The following SGCD variants were observed in gnomAD, a reference collection of about 807,000 sequenced individuals.
The protein encoded by SGCD is delta-sarcoglycan.
A neutral mutation model predicts 36.6 loss-of-function variants in SGCD; 18 were observed. The observed-to-expected ratio is 0.49, with a 90% CI of 0.34 to 0.73. SGCD has a LOEUF of 0.73. Ranked by LOEUF, SGCD falls within the 30% of genes least tolerant of loss-of-function variation. SGCD has a pLI of 0.01. For missense variants in SGCD, 387 were observed against 346.7 expected, an observed-to-expected ratio of 1.12 and a Z score of -0.92; for synonymous variants, 133 against 130.6, an observed-to-expected ratio of 1.02 and a Z score of -0.12.
At chr5:155,874,285 A>G (rs1168749244) in intron 1 of SGCD, among the ~76,000 whole-genome samples, 2 of 152,186 alleles carry the variant, frequency 1.3e-5, no homozygotes, top group Non-Finnish European at 2.9e-5. Context: ...ACAGACATGT[A>G]TTAAAAATAA....
rs202051213 is a variant in SGCD at position 156,083,798 on chromosome 5, TTTTGTTTG to T, written c.-281-34064_-281-34057del. Among the ~76,000 whole-genome samples the T allele has an allele frequency of 4.6e-3, 702 of 152,124 alleles. 9 individuals are homozygous for T. Among genetic ancestry groups the T allele is most frequent in the African/African-American group, 0.016 (680 of 41,490 alleles). ...GTTTTTTTTTTGTTTTGTTTTTGTTTTTTGTTTGTTTGTTTGTTTGTTTTCTTTTTTTG... is the reference window on the plus strand; with the variant it reads ...GTTTTTTTTTTGTTTTGTTTTTGTTTTTTGTTTGTTTGTTTTCTTTTTTTG... On this transcript the variant is annotated intron_variant, in intron 1 of 9. Coordinates refer to the SGCD transcript ENST00000517913.
chr5:156,439,488 C>G (rs183908763), intron 3 of SGCD, among the ~76,000 whole-genome samples: 11 of 152,178 alleles, frequency 7.2e-5, no homozygotes, highest in Admixed American at 2.6e-4. Context: ...TATTGCCCCC[C>G]TCAGGAGCCT....
At chr5:156,513,841 T>C (rs1757042938) in intron 4 of SGCD, among the ~76,000 whole-genome samples, 1 of 152,216 alleles carries the variant, frequency 6.6e-6, no homozygotes, top group South Asian at 2.1e-4. Context: ...ACATTCTAGC[T>C]TTCAGCCACA....
At chr5:156,622,478 A>AATT (rs1554123327) in intron 6 of SGCD, among the ~76,000 whole-genome samples, 14 of 141,284 alleles carry the variant, frequency 9.9e-5, no homozygotes, top group African/African-American at 2.6e-4. Flanking sequence ...TAATAATAAT[A>AATT]ATTTAGGGAA....
intron 3 of SGCD, among the ~76,000 whole-genome samples, chr5:156,371,496 A>G (rs1011389116): frequency 1.3e-5 from 2 of 152,198 alleles, no homozygotes; most frequent in Admixed American, 6.5e-5. Context: ...GACCATGTCT[A>G]AGTATGATAG....
Position 156,018,823 on chromosome 5 carries a change from G to A in SGCD, c.-281-99055G>A, listed in dbSNP as rs797005856. On this transcript the variant is annotated intron_variant, in intron 1 of 9. Coordinates refer to the SGCD transcript ENST00000517913. ...ACAGGCACTTTTTTTCTTCACCAAA[G>A]CATTGAGGGCAATTTCTCAAATAGT... 2.4e-4 allele frequency among the ~76,000 whole-genome samples: 36 copies of A among 152,196 alleles called. 1 individual carries two copies. The highest frequency in any genetic ancestry group is 1.9e-4 in the African/African-American group (8 of 41,538).
chr5:156,731,140 C>T (rs1415268702), intron 7 of SGCD, among the ~76,000 whole-genome samples: 2 of 151,906 alleles, frequency 1.3e-5, no homozygotes, highest in African/African-American at 2.4e-5. Flanking sequence ...CTAGAAGGAA[C>T]TTAAACAAAT....
At chr5:155,810,057 T>C in the SGCD span, among the ~76,000 whole-genome samples, 1 of 152,202 alleles carries the variant, frequency 6.6e-6, no homozygotes, top group South Asian at 2.1e-4. Flanking sequence ...TAACAATAAT[T>C]GATGTAGGGT....
At chr5:156,626,547 G>A (rs546685811) in intron 6 of SGCD, among the ~76,000 whole-genome samples, 1 of 152,324 alleles carries the variant, frequency 6.6e-6, no homozygotes, top group East Asian at 1.9e-4. Context: ...TCAGAGCAGT[G>A]TGAGCACAAT....
At chr5:156,330,225 T>A (rs930091460) in intron 2 of SGCD, among the ~76,000 whole-genome samples, 1 of 152,092 alleles carries the variant, frequency 6.6e-6, no homozygotes, top group Non-Finnish European at 1.5e-5. Context: ...ATGGTAAGTA[T>A]AATGCAAATA....
At chr5:156,195,621 G>A (rs79314732) in intron 3 of SGCD, among the ~76,000 whole-genome samples, 2,381 of 151,984 alleles carry the variant, frequency 0.016, 22 homozygotes, top group Non-Finnish European at 0.025. Context: ...TTTTCTATGC[G>A]TATGGATACA....
chr5:156,230,604 C>T (rs73811548), intron 3 of SGCD, among the ~76,000 whole-genome samples: 6,022 of 152,092 alleles, frequency 0.04, 212 homozygotes, highest in African/African-American at 0.09. Flanking sequence ...AGGAGCAGTC[C>T]GCTTCCTTCA....
the SGCD span, among the ~76,000 whole-genome samples, chr5:155,732,599 C>T: frequency 1.3e-5 from 2 of 152,204 alleles, no homozygotes; most frequent in African/African-American, 4.8e-5. Flanking sequence ...TCAGTCCAGC[C>T]TTCTTCTCAC....
At chr5:156,015,274 A>G (rs950530145) in intron 1 of SGCD, among the ~76,000 whole-genome samples, 1 of 152,088 alleles carries the variant, frequency 6.6e-6, no homozygotes, top group Non-Finnish European at 1.5e-5. Flanking sequence ...TTTTTATTCA[A>G]TAGGTTAAAA....
At chr5:155,850,925 A>G in the SGCD span, among the ~76,000 whole-genome samples, 1 of 152,166 alleles carries the variant, frequency 6.6e-6, no homozygotes, top group Non-Finnish European at 1.5e-5. Context: ...TTGAAAACAG[A>G]TTCTGATAAA....
intron 1 of SGCD, among the ~76,000 whole-genome samples, chr5:156,016,311 A>T (rs968970665): frequency 6.6e-6 from 1 of 152,044 alleles, no homozygotes; most frequent in African/African-American, 2.4e-5. Flanking sequence ...CGCTCCCTTC[A>T]GTGTTGTTAG....
chr5:156,559,260 C>A (rs1202456154), intron 4 of SGCD, among the ~76,000 whole-genome samples: 1 of 152,092 alleles, frequency 6.6e-6, no homozygotes, highest in Non-Finnish European at 1.5e-5. Context: ...ATGAAGACAT[C>A]CAACTTGGAA....
chr5:156,468,676 A>G (rs747251138), intron 3 of SGCD, among the ~76,000 whole-genome samples: 11 of 152,124 alleles, frequency 7.2e-5, no homozygotes, highest in Non-Finnish European at 1.6e-4. Context: ...AACATACCAC[A>G]TAAGACTGTT....
chr5:156,620,291 A>G (rs1025232700), intron 6 of SGCD, among the ~76,000 whole-genome samples: 1 of 152,204 alleles, frequency 6.6e-6, no homozygotes, highest in African/African-American at 2.4e-5. Context: ...CCTTCTACAT[A>G]TTACTGTTGA....
Sources: allele counts gnomAD v4.1 joint callset (sites outside exome capture counted in the v4.1 genomes callset), GRCh38; gene constraint gnomAD v4.1.1; transcripts MANE v1.5; gene names NCBI Gene and HGNC (gene_info 2026-07-23, HGNC 2026-07-21).